The following PIWIL1 variants were observed in gnomAD, a reference collection of about 807,000 sequenced individuals.
PIWIL1 encodes the protein piwi-like protein 1.
Under a neutral mutation model 114.4 loss-of-function variants are expected in PIWIL1, and 73 were observed. The ratio of observed to expected loss-of-function variants is 0.64; its 90% CI spans 0.53 to 0.78. The LOEUF is 0.78. Ranked by LOEUF, PIWIL1 falls within the 30% of genes least tolerant of loss-of-function variation. The probability of loss-of-function intolerance (pLI) is 0.00; values close to 1 mark genes in which losing one functional copy is unlikely to be tolerated. For synonymous variants in PIWIL1, 375 were observed against 369.0 expected, an observed-to-expected ratio of 1.02 and a Z score of -0.19; for missense variants, 723 against 1,063.1, an observed-to-expected ratio of 0.68 and a Z score of 4.45.
At chr12:130,339,643 A>AAAGCTGAAAACCAGAT (rs2072843665) in intron 1 of PIWIL1, 5 of 152,218 alleles carry the variant, frequency 3.3e-5, no homozygotes, top group Admixed American at 3.3e-4. Flanking sequence ...GGAAGGAGAT[A>AAAGCTGAAAACCAGAT]AAGCTGAAAA....
chr12:130,405,628 G>T, the PIWIL1 span, among the ~76,000 whole-genome samples: 3 of 151,884 alleles, frequency 2.0e-5, no homozygotes, highest in Non-Finnish European at 4.4e-5. Flanking sequence ...CAGAAAAGGA[G>T]GGAGGGTGGC....
downstream of PIWIL1, among the ~76,000 whole-genome samples, chr12:130,376,007 C>T (rs1357411718): frequency 6.6e-6 from 1 of 152,214 alleles, no homozygotes; most frequent in Non-Finnish European, 1.5e-5. Context: ...TGCCTTCAGA[C>T]TCTGCCAGGA....
chr12:130,378,651 G>A, the PIWIL1 span, among the ~76,000 whole-genome samples: 1 of 151,938 alleles, frequency 6.6e-6, no homozygotes, highest in Non-Finnish European at 1.5e-5. Context: ...TTTAATTTTA[G>A]TCATCTTGTG....
chr12:130,403,036 G>A, the PIWIL1 span, among the ~76,000 whole-genome samples: 110 of 152,316 alleles, frequency 7.2e-4, no homozygotes, highest in African/African-American at 2.3e-3. Context: ...CCCTGCTTAC[G>A]CTTGTTTTAC....
At chr12:130,409,966 C>T in the PIWIL1 span, among the ~76,000 whole-genome samples, 1 of 152,302 alleles carries the variant, frequency 6.6e-6, no homozygotes. Context: ...TACAAGAAAC[C>T]AGCGAACTGT....
intron 1 of PIWIL1, 85 bp from the exon 2 acceptor site, chr12:130,342,495 C>CA: frequency 1.3e-6 from 1 of 790,602 alleles, no homozygotes; most frequent in South Asian, 1.5e-5. Context: ...TTTTGAAACT[C>CA]AAAGAAGTTT....
rs758877858 is a variant in PIWIL1 at position 130,371,638 on chromosome 12, A to T, written c.*40A>T. On this transcript the variant is annotated 3_prime_UTR_variant, in exon 21 of 21. Transcript: ENST00000245255. ...TGCAGCCGCTTTTCTTTTTGAAATG[A>T]CTTTGGGATTTTTTTAAGCTTTTAT... 4.7e-6 allele frequency: 6 copies of T among 1,279,968 alleles called. No homozygotes were observed. The highest frequency in any genetic ancestry group is 6.6e-6 in the Non-Finnish European group (6 of 904,044). The allele number at this position is 1,279,968 out of a possible 1,614,324, so 79.3% of individuals were successfully genotyped here.
the PIWIL1 span, among the ~76,000 whole-genome samples, chr12:130,416,265 G>A: frequency 3.3e-5 from 5 of 152,242 alleles, no homozygotes; most frequent in African/African-American, 7.2e-5. Flanking sequence ...CCAAATAGCC[G>A]AAGTGGTCTT....
chr12:130,421,530 A>G, the PIWIL1 span, among the ~76,000 whole-genome samples: 2 of 152,192 alleles, frequency 1.3e-5, no homozygotes, highest in South Asian at 4.1e-4. Flanking sequence ...GATGGAAAAG[A>G]CCAATGGCCT....
At chr12:130,367,346 A>C in intron 19 of PIWIL1, 88 bp downstream of exon 19, 1 of 1,211,718 alleles carries the variant, frequency 8.3e-7, no homozygotes, top group Non-Finnish European at 1.1e-6. Context: ...ATTTTAATAC[A>C]TTTTACTTTT....
chr12:130,370,798 G>A (rs1430570724), intron 19 of PIWIL1, among the ~76,000 whole-genome samples: 1 of 152,164 alleles, frequency 6.6e-6, no homozygotes, highest in Non-Finnish European at 1.5e-5. Context: ...CCCACTCGCT[G>A]CCCCCACAGG....
intron 16 of PIWIL1, 97 bp from the exon 17 acceptor site, chr12:130,362,669 A>G: frequency 1.9e-6 from 2 of 1,029,774 alleles, no homozygotes; most frequent in Admixed American, 1.9e-5. Context: ...TACAAAGATG[A>G]CAGATTGCTA....
chr12:130,399,948 A>G, the PIWIL1 span: 1 of 992,708 alleles, frequency 1.0e-6, no homozygotes, highest in South Asian at 1.7e-5. Flanking sequence ...AGGACTTGAA[A>G]GGACTCTAAA....
chr12:130,383,694 T>C, the PIWIL1 span: 2 of 152,232 alleles, frequency 1.3e-5, no homozygotes, highest in East Asian at 3.8e-4. Flanking sequence ...CCTGGCTGGT[T>C]CTTAGAAACC....
At chr12:130,355,402 T>C (rs1205156386) in intron 11 of PIWIL1, 151 bp from the exon 12 acceptor site, 32 of 681,698 alleles carry the variant, frequency 4.7e-5, no homozygotes, top group South Asian at 2.1e-4. Context: ...AGAAAGATGA[T>C]TGTGCTCCTG....
intron 3 of PIWIL1, 79 bp from the exon 4 acceptor site, chr12:130,345,674 A>C (rs756135276): frequency 6.8e-7 from 1 of 1,472,694 alleles, no homozygotes; most frequent in Non-Finnish European, 9.4e-7. Flanking sequence ...TGGATTACAC[A>C]TAATAGCACT....
At chr12:130,423,949 G>A in the PIWIL1 span, among the ~76,000 whole-genome samples, 1 of 152,104 alleles carries the variant, frequency 6.6e-6, no homozygotes, top group Non-Finnish European at 1.5e-5. Flanking sequence ...TCTAAGCACA[G>A]TAAAGAAATC....
In PIWIL1 at chr12:130,338,107, G is replaced by A; in HGVS notation, c.-52G>A. 1 of 231,084 alleles carries A rather than the reference G, an allele frequency of 4.3e-6. No individual in the cohort carries two copies. The highest frequency in any genetic ancestry group is 8.5e-6 in the Non-Finnish European group (1 of 116,976). 14.3% of individuals were successfully genotyped at this position (231,084 alleles called of 1,614,324 possible). A position where few individuals can be genotyped will look rare whatever the true frequency, so the allele number is the denominator to read the frequency against. On this transcript the variant is annotated 5_prime_UTR_variant, in exon 1 of 21. Coordinates refer to ENST00000245255, the MANE Select transcript of PIWIL1 (RefSeq NM_004764.5). ...GTTGGGGCTGTTGGCCTCGGGCTGA[G>A]GTGCAAGGACCAGGACTAGGGCGAG...
intron 1 of PIWIL1, among the ~76,000 whole-genome samples, chr12:130,341,906 C>T (rs2072926943): frequency 6.6e-6 from 1 of 152,102 alleles, no homozygotes. Flanking sequence ...ACGGTCCTGG[C>T]AGATGTAGGA....
Sources: allele counts gnomAD v4.1 joint callset (sites outside exome capture counted in the v4.1 genomes callset), GRCh38; gene constraint gnomAD v4.1.1; transcripts MANE v1.5; gene names NCBI Gene and HGNC (gene_info 2026-07-23, HGNC 2026-07-21).